Variants in PLD2 observed in about 807,000 individuals in gnomAD.
PLD2 encodes the protein choline phosphatase 2.
A neutral mutation model predicts 119.8 loss-of-function variants in PLD2; 101 were observed. The ratio of observed to expected loss-of-function variants is 0.84; its 90% confidence interval spans 0.72 to 0.99. PLD2 has a LOEUF of 0.99. Ranked by LOEUF, PLD2 falls within the 50% of genes least tolerant of loss-of-function variation. The probability of loss-of-function intolerance (pLI) is 0.00; values close to 1 mark genes in which losing one functional copy is unlikely to be tolerated. For synonymous variants in PLD2, 494 were observed against 482.8 expected (o/e 1.02, Z -0.30); for missense variants, 1,164 against 1,226.8 (o/e 0.95, Z 0.76).
rs1341791946 is a variant in PLD2 at position 4,819,479 on chromosome 17, C to T, written c.2359C>T (p.Leu787=). The T allele has an allele frequency of 6.2e-7, 1 of 1,614,064 alleles. No homozygotes were observed. The highest frequency in any genetic ancestry group is 2.2e-5 in the East Asian group (1 of 44,878). ...RSLLGKRDSE[L]AVLIEDTETE... ...CTTGCTGGGGAAGCGGGACAGTGAG[C>T]TGGCCGTGCTGATCGAGGACACAGA... Residue 787 remains leucine (L), a synonymous_variant, in exon 23 of 25, where the codon CTG becomes TTG. Coordinates refer to ENST00000263088, the MANE Select transcript of PLD2 (RefSeq NM_002663.5). This position sits in a 1 kb window ranked among gnomAD's most constrained non-coding sequence, Gnocchi z 4.2.
At chr17:4,821,993 C>A in intron 24 of PLD2, 86 bp downstream of exon 24, 1 of 820,768 alleles carries the variant, frequency 1.2e-6, no homozygotes. Context: ...GAAGCGCCAC[C>A]ATACAGTCAT....
chr17:4,817,046 C>G lies in PLD2; in HGVS notation c.1692C>G (p.Asn564Lys). Reference sequence around the variant, plus strand: ...CCCGGCACTTCATCCAGCGCTGGAACTTCACCAAGGTGTTCATTCCCTCCG... The same window carrying G: ...CCCGGCACTTCATCCAGCGCTGGAAGTTCACCAAGGTGTTCATTCCCTCCG... ...DLARHFIQRW[N>K]FTKTTKAKYK... The change falls in exon 16 of 25, where the codon AAC (asparagine) becomes AAG (lysine). Residue 564 changes from asparagine to lysine, a missense_variant. By Grantham distance (94) the Asn-to-Lys change is moderately conservative. Transcript: ENST00000263088. 2 of 1,613,556 alleles carry G rather than the reference C, an allele frequency of 1.2e-6. No homozygotes were observed. Among genetic ancestry groups the G allele is most frequent in the Non-Finnish European group, 1.7e-6 (2 of 1,179,554 alleles).
At position 4,810,803 on chromosome 17, in the gene PLD2, T is replaced by G; in HGVS notation, c.862T>G (p.Ser288Ala). ...GGACATCTCATCGTTCCCATCCAGG[T>G]CCTTGATTCTCAAGTGCAGCAGCTA... The part of the protein sequence containing the change: ...HGVRIDTSHR[S>A]LILKCSSYRQ... Residue 288 changes from serine (S) to alanine (A), a missense_variant and splice_region_variant, in exon 10 of 25, where the codon TCC (serine) becomes GCC (alanine). Coordinates refer to ENST00000263088, the MANE Select transcript of PLD2 (RefSeq NM_002663.5). The G allele has an allele frequency of 6.2e-7, 1 of 1,611,248 alleles. No homozygotes were observed. Among genetic ancestry groups the G allele is most frequent in the Non-Finnish European group, 8.5e-7 (1 of 1,178,498 alleles).
intron 17 of PLD2, 46 bp downstream of exon 17, chr17:4,817,305 C>T (rs372189862): frequency 1.8e-5 from 22 of 1,201,664 alleles, no homozygotes; most frequent in Admixed American, 3.4e-5. Context: ...TCTCCTTCAG[C>T]CTAACACCCC....
chr17:4,810,573 G>A (rs1324270217), intron 9 of PLD2, among the ~76,000 whole-genome samples: 1 of 152,036 alleles, frequency 6.6e-6, no homozygotes, highest in African/African-American at 2.4e-5. Flanking sequence ...TGAAGCTGGG[G>A]TGCAGAGGTT....
intron 23 of PLD2, among the ~76,000 whole-genome samples, chr17:4,820,476 C>T (rs1439911495): frequency 1.4e-5 from 2 of 148,096 alleles, no homozygotes; most frequent in Non-Finnish European, 3.0e-5. Context: ...CTGTGTTGGC[C>T]AGGCTGATCT....
intron 23 of PLD2, chr17:4,821,490 C>G: frequency 4.5e-6 from 1 of 221,466 alleles, no homozygotes; most frequent in South Asian, 8.0e-5. Context: ...ACTTCGCCAG[C>G]TGAAGTGATC....
chr17:4,822,711 C>G lies in PLD2; in HGVS notation c.2649C>G (p.Pro883=). Reference sequence around the variant, plus strand: ...TCCGGGAGTACGTGGCCGTGGAGCCCTTGGCCACGGTCAGTCCCCCCTTGG... The same window carrying G: ...TCCGGGAGTACGTGGCCGTGGAGCCGTTGGCCACGGTCAGTCCCCCCTTGG... ...RTLREYVAVE[P]LATVSPPLAR... is the part of the protein sequence containing the mutation. The change falls in exon 25 of 25, where the codon CCC becomes CCG. Residue 883 remains proline, a synonymous_variant. Transcript: ENST00000263088. 1 of 1,614,160 alleles carries G rather than the reference C, an allele frequency of 6.2e-7. No individual in the cohort carries two copies.
Position 4,814,673 on chromosome 17 carries a change from G to C in PLD2, c.1135G>C (p.Asp379His). The stretch of plus-strand genomic sequence containing the variant: ...TTACCTGAAGCGTCCGGCCCATTCA[G>C]ATGACTGGAGACTGGACATTATGCT... Reference protein sequence around the residue: ...EVYLKRPAHSDDWRLDIMLKR... With the variant: ...EVYLKRPAHSHDWRLDIMLKR... Residue 379 changes from aspartate (D) to histidine (H), a missense_variant, in exon 12 of 25, where the codon GAT becomes CAT. By Grantham distance (81) the Asp-to-His change is moderately conservative. Coordinates refer to ENST00000263088, the MANE Select transcript of PLD2 (RefSeq NM_002663.5). 6.2e-7 allele frequency: 1 copy of C among 1,614,146 alleles called. No homozygotes were observed. Among genetic ancestry groups the C allele is most frequent in the Non-Finnish European group, 8.5e-7 (1 of 1,180,032 alleles).
intron 24 of PLD2, 34 bp downstream of exon 24, chr17:4,821,941 TG>T: frequency 7.2e-7 from 1 of 1,397,862 alleles, no homozygotes; most frequent in Non-Finnish European, 1.0e-6. Context: ...GAGAGTGGCC[TG>T]GGGAAATTTG....
rs776508601 is a variant in PLD2, at chr17:4,816,949, G to C, written c.1595G>C (p.Arg532Thr). ...LDRPFEDFIDRETTPRMPWRD... is the reference protein window; with the variant it reads ...LDRPFEDFIDTETTPRMPWRD... Reference sequence around the variant, plus strand: ...TGGGACCCCCCAGATTTCATTGACAGGGAGACGACCCCTCGGATGCCATGG... The same window carrying C: ...TGGGACCCCCCAGATTTCATTGACACGGAGACGACCCCTCGGATGCCATGG... Residue 532 changes from arginine (R) to threonine (T), a missense_variant, in exon 16 of 25, where the codon AGG becomes ACG. Transcript: ENST00000263088. 1 of 1,613,162 alleles carries C rather than the reference G, an allele frequency of 6.2e-7. No individual in the cohort carries two copies. Among genetic ancestry groups the C allele is most frequent in the Non-Finnish European group, 8.5e-7 (1 of 1,179,398 alleles).
Position 4,807,455 on chromosome 17 carries a change from C to G in PLD2, c.-2+230C>G, listed in dbSNP as rs938452678. 4.0e-6 allele frequency: 1 copy of G among 247,466 alleles called. No individual in the cohort carries two copies. The highest frequency in any genetic ancestry group is 7.9e-6 in the Non-Finnish European group (1 of 126,282). 15.3% of individuals were successfully genotyped at this position (247,466 alleles called of 1,614,324 possible). On this transcript the variant is annotated intron_variant, in intron 1 of 24. Coordinates refer to ENST00000263088, the MANE Select transcript of PLD2 (RefSeq NM_002663.5). This position sits in a 1 kb window ranked among gnomAD's most constrained non-coding sequence, Gnocchi z 5.4. ...GCGCGCTCTCCGGACCACCCAGGGC[C>G]GCTTCCCCGCGCAGCTGCTGCGCCG...
At position 4,816,760 on chromosome 17, in the gene PLD2, C is replaced by A. The variant is rs766587863; in HGVS notation, c.1582+14C>A. 2 of 1,614,078 alleles carry A rather than the reference C, an allele frequency of 1.2e-6. No homozygotes were observed. The highest frequency in any genetic ancestry group is 1.3e-5 in the African/African-American group (1 of 74,936). ...GGCCTTTCGAAGGTGAAGCCTCCCACCCGCCAAAGCCCCAGAGAGCTGAGA... is the reference window on the plus strand; with the variant it reads ...GGCCTTTCGAAGGTGAAGCCTCCCAACCGCCAAAGCCCCAGAGAGCTGAGA... On this transcript the variant is annotated intron_variant, in intron 15 of 24. Transcript: ENST00000263088.
chr17:4,808,596 A>C lies in PLD2; in HGVS notation c.383+180A>C, dbSNP rs1161033174. ...CTTTCCCTGTCCATGGTTCTGTGCC[A>C]GCATCTCAGCTGGGCGGGATGCCCA... On this transcript the variant is annotated intron_variant, in intron 4 of 24. Transcript: ENST00000263088. The surrounding 1 kb of genome is among the most constrained non-coding windows in gnomAD (Gnocchi z 4.1). 3.1e-6 allele frequency: 2 copies of C among 637,314 alleles called. No individual in the cohort carries two copies. Among genetic ancestry groups the C allele is most frequent in the African/African-American group, 3.7e-5 (2 of 54,756 alleles). The allele number at this position is 637,314 out of a possible 1,614,324, so 39.5% of individuals were successfully genotyped here.
In PLD2 at chr17:4,814,409, T is replaced by G. The variant is rs1906763531; in HGVS notation, c.1011-9T>G. The stretch of plus-strand genomic sequence containing the variant: ...CTCCCCTGACCTCCTTGGCTTGGCC[T>G]CCCCCCAGGTTTGTGAATGGGGCAG... On this transcript the variant is annotated splice_polypyrimidine_tract_variant and intron_variant, in intron 10 of 24. Transcript: ENST00000263088. The G allele has an allele frequency of 2.5e-6, 4 of 1,606,420 alleles. No homozygotes were observed. Among genetic ancestry groups the G allele is most frequent in the Non-Finnish European group, 3.4e-6 (4 of 1,177,186 alleles).
At chr17:4,814,596 G>T (rs1250522545) in intron 11 of PLD2, 37 bp from the exon 12 acceptor site, 2 of 1,613,470 alleles carry the variant, frequency 1.2e-6, no homozygotes, top group African/African-American at 1.3e-5. Context: ...GTGGTCTGGG[G>T]CTTCGTTTGC....
At chr17:4,809,415 G>A (rs1906205687) in intron 6 of PLD2, 52 bp downstream of exon 6, 3 of 1,612,632 alleles carry the variant, frequency 1.9e-6, no homozygotes, top group Non-Finnish European at 1.7e-6. Flanking sequence ...CAGACCCTCG[G>A]GGAGGAGGGC....
chr17:4,809,358 G>A lies in PLD2; in HGVS notation c.550G>A (p.Ala184Thr). 1.2e-6 allele frequency: 2 copies of A among 1,614,052 alleles called. No homozygotes were observed. The highest frequency in any genetic ancestry group is 1.7e-6 in the Non-Finnish European group (2 of 1,179,896). Residue 184 changes from alanine (A) to threonine (T), a missense_variant, in exon 6 of 25, where the codon GCC (alanine) becomes ACC (threonine). Physicochemically the swap from Ala to Thr is moderately conservative, Grantham distance 58 (BLOSUM62 0). Transcript: ENST00000263088. ...LTMSFYRNYH[A>T]MTEFLEVSQL... The stretch of plus-strand genomic sequence containing the variant: ...CATGTCTTTCTATCGCAACTACCAT[G>A]CCATGGTAAGGTCCAGGGGCCGATT...
At chr17:4,817,349 C>T (rs1292385839) in intron 17 of PLD2, 90 bp downstream of exon 17, 1 of 863,318 alleles carries the variant, frequency 1.2e-6, no homozygotes, top group Non-Finnish European at 2.0e-6. Context: ...GCTGCCCACA[C>T]TCTCCTTTCC....
Sources: allele counts gnomAD v4.1 joint callset (sites outside exome capture counted in the v4.1 genomes callset), GRCh38; gene constraint gnomAD v4.1.1; non-coding constraint Gnocchi (gnomAD v3.1); transcripts MANE v1.5; gene names NCBI Gene and HGNC (gene_info 2026-07-23, HGNC 2026-07-21).